Variants in RBFOX1 observed in about 807,000 individuals in gnomAD.
The protein encoded by RBFOX1 is RNA binding protein fox-1 homolog 1.
RBFOX1 carries 8 observed loss-of-function variants against 57.7 expected under a neutral mutation model. The observed-to-expected ratio is 0.14, with a 90% CI of 0.08 to 0.25. The LOEUF is 0.25. RBFOX1 is among the 10% of genes least tolerant of loss of function. The pLI is 1.00. For missense variants in RBFOX1, 611 were observed against 548.5 expected (o/e 1.11, Z -1.14); for synonymous variants, 326 against 222.4 (o/e 1.47, Z -4.15).
chr16:7,485,280 A>G (rs1278144578), intron 4 of RBFOX1, among the ~76,000 whole-genome samples: 3 of 152,152 alleles, frequency 2.0e-5, no homozygotes, highest in Admixed American at 6.5e-5. Flanking sequence ...CTTTTCCCTC[A>G]TGTTTCCAGG....
In RBFOX1 at chr16:5,355,435, A is replaced by T. The variant is rs545640212; in HGVS notation, c.220-111781A>T. ...TGAGGACAAGGAGACCTCTTGATGT[A>T]AGGTGTCAAGGTCAATGTCTGGGTC... On this transcript the variant is annotated intron_variant, in intron 1 of 2. Transcript: ENST00000585867. Among the ~76,000 whole-genome samples, 13 of 152,264 alleles carry T rather than the reference A, an allele frequency of 8.5e-5. No homozygotes were observed. In the South Asian group the frequency reaches 1.5e-3, roughly 17 times the overall value.
At chr16:7,706,345 G>A (rs992565854) in intron 14 of RBFOX1, among the ~76,000 whole-genome samples, 22 of 152,212 alleles carry the variant, frequency 1.4e-4, no homozygotes, top group Non-Finnish European at 1.5e-5. Context: ...CATTTCTGAG[G>A]AGTAGTTCAA....
chr16:6,617,164 A>G (rs1028565243), intron 2 of RBFOX1, among the ~76,000 whole-genome samples: 3 of 152,000 alleles, frequency 2.0e-5, no homozygotes, highest in African/African-American at 4.8e-5. Context: ...ATCCCTGACT[A>G]TAAGCACTTG....
At chr16:5,473,421 T>C (rs2151626217) in intron 2 of RBFOX1, among the ~76,000 whole-genome samples, 1 of 152,284 alleles carries the variant, frequency 6.6e-6, no homozygotes, top group Admixed American at 6.5e-5. Context: ...TTTTTTTCTT[T>C]TTTGCAGGGC....
At chr16:6,454,181 T>G (rs1597463675) in intron 2 of RBFOX1, among the ~76,000 whole-genome samples, 1 of 152,184 alleles carries the variant, frequency 6.6e-6, no homozygotes, top group Non-Finnish European at 1.5e-5. Flanking sequence ...AAATACACAT[T>G]CTGATGTACA....
intron 3 of RBFOX1, among the ~76,000 whole-genome samples, chr16:6,899,986 G>C (rs72770649): frequency 0.22 from 33,396 of 152,078 alleles, 4,578 homozygotes; most frequent in Admixed American, 0.36. Context: ...TTGCCTTTCT[G>C]TGCTTCTGTT....
At position 5,706,251 on chromosome 16, in the gene RBFOX1, C is replaced by T. The variant is rs148542306; in HGVS notation, c.318+107290C>T. Among the ~76,000 whole-genome samples the T allele has an allele frequency of 9.3e-3, 1,412 of 152,210 alleles. 30 individuals are homozygous for T. The highest frequency in any genetic ancestry group is 0.032 in the African/African-American group (1,343 of 41,526). On this transcript the variant is annotated intron_variant, in intron 3 of 19. Coordinates refer to the RBFOX1 transcript ENST00000641259. ...CTATGATTTTTGTCTTAGAACATTC[C>T]GAAAGTTACGAAAATGTGTACAGGT...
intron 1 of RBFOX1, among the ~76,000 whole-genome samples, chr16:6,195,674 G>A (rs1431803368): frequency 6.6e-6 from 1 of 151,472 alleles, no homozygotes; most frequent in Non-Finnish European, 1.5e-5. Context: ...AGCCGAGATT[G>A]CACCATTGCA....
intron 3 of RBFOX1, among the ~76,000 whole-genome samples, chr16:6,667,696 C>T (rs2098741352): frequency 6.6e-6 from 1 of 151,956 alleles, no homozygotes; most frequent in African/African-American, 2.4e-5. Context: ...GCCTAGGCAA[C>T]ATATACCCTA....
In RBFOX1 at chr16:7,233,887, C is replaced by T. The variant is rs114703802; in HGVS notation, c.27+181789C>T. Among the ~76,000 whole-genome samples the T allele has an allele frequency of 7.0e-3, 1,064 of 152,270 alleles. 16 individuals carry two copies. Among genetic ancestry groups the T allele is most frequent in the African/African-American group, 0.025 (1,020 of 41,546 alleles). ...CCGATCTTAGCCAAAAAGTCAATCA[C>T]CACTCAACGAGAGCTACTCTGACTC... On this transcript the variant is annotated intron_variant, in intron 4 of 15. Transcript: ENST00000550418.
In RBFOX1 at chr16:5,962,991, A is replaced by G. The variant is rs1277409765; in HGVS notation, c.351+95656A>G. Among the ~76,000 whole-genome samples, 3 of 152,182 alleles carry G rather than the reference A, an allele frequency of 2.0e-5. No homozygotes were observed. The East Asian group carries it at 5.8e-4, about 29-fold the overall frequency. ...TTGCCTCCACTCTGGTCTTGAATTTAGAAAGTGTTAACTTAATAAGATAGA... is the reference window on the plus strand; with the variant it reads ...TTGCCTCCACTCTGGTCTTGAATTTGGAAAGTGTTAACTTAATAAGATAGA... On this transcript the variant is annotated intron_variant, in intron 4 of 19. Coordinates refer to the RBFOX1 transcript ENST00000641259.
intron 4 of RBFOX1, among the ~76,000 whole-genome samples, chr16:7,324,086 C>T (rs2096580168): frequency 6.6e-6 from 1 of 152,090 alleles, no homozygotes; most frequent in South Asian, 2.1e-4. Flanking sequence ...TGCTAATAGT[C>T]ATCATGAATT....
chr16:6,385,915 A>G (rs951955570), intron 2 of RBFOX1, among the ~76,000 whole-genome samples: 1 of 150,842 alleles, frequency 6.6e-6, no homozygotes, highest in African/African-American at 2.4e-5. Context: ...AATTCCATTA[A>G]GAACTCATTT....
chr16:5,536,772 G>T (rs1210909831), intron 2 of RBFOX1, among the ~76,000 whole-genome samples: 3 of 151,816 alleles, frequency 2.0e-5, no homozygotes, highest in African/African-American at 7.3e-5. Flanking sequence ...ACATCTTATT[G>T]TAATATGTGG....
chr16:5,569,833 G>A (rs2046217244), intron 2 of RBFOX1, among the ~76,000 whole-genome samples: 1 of 151,974 alleles, frequency 6.6e-6, no homozygotes, highest in South Asian at 2.1e-4. Context: ...TCTTGACATG[G>A]TCTTCCTCTT....
intron 1 of RBFOX1, among the ~76,000 whole-genome samples, chr16:5,443,820 T>C (rs1460974819): frequency 6.6e-6 from 1 of 152,212 alleles, no homozygotes; most frequent in Non-Finnish European, 1.5e-5. Context: ...TATCGCTACT[T>C]AGAAGAATGG....
chr16:7,516,059 G>A (rs1396140145), intron 4 of RBFOX1, among the ~76,000 whole-genome samples: 2 of 152,106 alleles, frequency 1.3e-5, no homozygotes, highest in African/African-American at 2.4e-5. Context: ...TGCCCAGTCT[G>A]GTCTCGAACT....
chr16:7,296,694 C>A (rs571450633), intron 4 of RBFOX1, among the ~76,000 whole-genome samples: 2 of 152,188 alleles, frequency 1.3e-5, no homozygotes, highest in Non-Finnish European at 2.9e-5. Flanking sequence ...CCTAGCCTGT[C>A]CCTGGCCATG....
chr16:5,908,597 C>T (rs1011017120), intron 4 of RBFOX1, among the ~76,000 whole-genome samples: 13 of 152,026 alleles, frequency 8.6e-5, no homozygotes, highest in Non-Finnish European at 8.8e-5. Flanking sequence ...AAGTGATCCA[C>T]CCACCTTGGC....
Sources: gnomAD v4.1 joint callset for allele counts (sites outside exome capture counted in the v4.1 genomes callset) on GRCh38, gnomAD v4.1.1 for gene constraint, MANE v1.5 for transcripts, NCBI Gene and HGNC (gene_info 2026-07-23, HGNC 2026-07-21) for gene names.